The following KCNIP4 variants were observed in gnomAD, a reference collection of about 807,000 sequenced individuals.
The protein encoded by KCNIP4 is Kv channel-interacting protein 4.
In KCNIP4, 12 loss-of-function variants were observed where a neutral mutation model predicts 34.0. The observed-to-expected ratio is 0.35, with a 90% CI of 0.23 to 0.57. The LOEUF is 0.57. Among genes scored for constraint, KCNIP4 ranks in the 20% least tolerant of loss-of-function variants. The probability of loss-of-function intolerance (pLI) is 0.83; values close to 1 mark genes in which losing one functional copy is unlikely to be tolerated. For synonymous variants in KCNIP4, 124 were observed against 102.2 expected, an observed-to-expected ratio of 1.21 and a Z score of -1.29; for missense variants, 238 against 311.7, an observed-to-expected ratio of 0.76 and a Z score of 1.78.
At chr4:21,714,292 A>G (rs1251342788) in intron 1 of KCNIP4, among the ~76,000 whole-genome samples, 1 of 152,138 alleles carries the variant, frequency 6.6e-6, no homozygotes, top group Non-Finnish European at 1.5e-5. Context: ...CTTCCTTGAC[A>G]TATTGACTAC....
At chr4:21,710,738 T>C (rs952314446) in intron 1 of KCNIP4, among the ~76,000 whole-genome samples, 6 of 152,184 alleles carry the variant, frequency 3.9e-5, no homozygotes, top group Non-Finnish European at 7.3e-5. Flanking sequence ...TCTCCTGATA[T>C]GTAAAATGAA....
chr4:21,493,164 T>G (rs1732552608), intron 1 of KCNIP4, among the ~76,000 whole-genome samples: 1 of 152,138 alleles, frequency 6.6e-6, no homozygotes, highest in Non-Finnish European at 1.5e-5. Context: ...TAGTGCATTC[T>G]TCTCTGACAT....
At chr4:21,548,930 A>G (rs1228015502) in intron 1 of KCNIP4, among the ~76,000 whole-genome samples, 1 of 151,946 alleles carries the variant, frequency 6.6e-6, no homozygotes, top group Non-Finnish European at 1.5e-5. Context: ...GATATTTGGG[A>G]CTGGGTAATT....
intron 1 of KCNIP4, among the ~76,000 whole-genome samples, chr4:20,924,337 G>T (rs534234637): frequency 1.3e-5 from 2 of 152,128 alleles, no homozygotes; most frequent in Non-Finnish European, 2.9e-5. Flanking sequence ...TCCTCTCAAT[G>T]GTGGTACCAA....
At chr4:21,799,136 G>A (rs1016884556) in intron 1 of KCNIP4, among the ~76,000 whole-genome samples, 17 of 152,054 alleles carry the variant, frequency 1.1e-4, no homozygotes, top group Non-Finnish European at 2.2e-4. Flanking sequence ...ATAATAATAA[G>A]AGGTGCTATT....
intron 1 of KCNIP4, among the ~76,000 whole-genome samples, chr4:21,231,154 G>A (rs569343492): frequency 1.3e-5 from 2 of 152,066 alleles, no homozygotes; most frequent in East Asian, 1.9e-4. Context: ...CTCCTTTATT[G>A]TCCTAGATGG....
intron 5 of KCNIP4, among the ~76,000 whole-genome samples, chr4:20,744,860 A>G (rs888707992): frequency 6.6e-6 from 1 of 152,136 alleles, no homozygotes; most frequent in Non-Finnish European, 1.5e-5. Context: ...TAGGTCCCAA[A>G]TTTCCATTTG....
At chr4:21,225,500 G>C (rs761659868) in intron 1 of KCNIP4, among the ~76,000 whole-genome samples, 1 of 152,044 alleles carries the variant, frequency 6.6e-6, no homozygotes, top group Non-Finnish European at 1.5e-5. Context: ...TATAACTATT[G>C]TAATTATTAA....
At chr4:21,519,112 C>T (rs12640964) in intron 1 of KCNIP4, among the ~76,000 whole-genome samples, 9,189 of 152,046 alleles carry the variant, frequency 0.06, 395 homozygotes, top group East Asian at 0.14. Context: ...TGCTGAAATC[C>T]TAACCCCCAG....
At chr4:21,540,616 T>G (rs1243936659) in intron 1 of KCNIP4, among the ~76,000 whole-genome samples, 1 of 152,166 alleles carries the variant, frequency 6.6e-6, no homozygotes, top group Non-Finnish European at 1.5e-5. Flanking sequence ...CTCTTAAACA[T>G]GTACAAATTT....
intron 5 of KCNIP4, among the ~76,000 whole-genome samples, chr4:20,743,960 A>G (rs1300369525): frequency 6.6e-6 from 1 of 152,226 alleles, no homozygotes; most frequent in Non-Finnish European, 1.5e-5. Flanking sequence ...AAGGATATGA[A>G]CAGACTCTTC....
chr4:20,828,312 A>G (rs544414389), intron 3 of KCNIP4, among the ~76,000 whole-genome samples: 1 of 152,186 alleles, frequency 6.6e-6, no homozygotes, highest in Non-Finnish European at 1.5e-5. Flanking sequence ...CTGTAATCCC[A>G]GCTGCTCAGG....
intron 5 of KCNIP4, among the ~76,000 whole-genome samples, chr4:20,735,518 G>GTTTTT (rs754949562): frequency 6.1e-5 from 8 of 130,810 alleles, no homozygotes; most frequent in African/African-American, 1.2e-4. Context: ...TTCATTTAGT[G>GTTTTT]TTTTTTTTTT....
intron 1 of KCNIP4, among the ~76,000 whole-genome samples, chr4:21,287,518 A>G (rs565647957): frequency 6.6e-6 from 1 of 152,200 alleles, no homozygotes. Context: ...TAATTATCAT[A>G]ATAATCCCCT....
At chr4:21,107,207 C>A (rs1455617848) in intron 1 of KCNIP4, among the ~76,000 whole-genome samples, 1 of 147,244 alleles carries the variant, frequency 6.8e-6, no homozygotes, top group African/African-American at 2.6e-5. Flanking sequence ...GTGTTAAAGT[C>A]TCCCATTTTT....
At chr4:21,073,302 G>C (rs1001240388) in intron 1 of KCNIP4, among the ~76,000 whole-genome samples, 1 of 152,018 alleles carries the variant, frequency 6.6e-6, no homozygotes, top group African/African-American at 2.4e-5. Flanking sequence ...TCCATTATTT[G>C]TATCCTCTTC....
chr4:20,838,860 A>G (rs1370842776), intron 3 of KCNIP4, among the ~76,000 whole-genome samples: 4 of 152,214 alleles, frequency 2.6e-5, no homozygotes, highest in Non-Finnish European at 5.9e-5. Context: ...AGTCTTTAGA[A>G]AGACTTGTAA....
chr4:21,050,738 G>C (rs955614635), intron 1 of KCNIP4, among the ~76,000 whole-genome samples: 3 of 152,150 alleles, frequency 2.0e-5, no homozygotes, highest in Non-Finnish European at 2.9e-5. Flanking sequence ...CAATCACTCA[G>C]GTTCAGAAAT....
At chr4:21,481,947 G>T (rs1731463512) in intron 1 of KCNIP4, among the ~76,000 whole-genome samples, 1 of 152,134 alleles carries the variant, frequency 6.6e-6, no homozygotes, top group Admixed American at 6.5e-5. Flanking sequence ...GGGAGTCTAA[G>T]TCTCTTTGTA....
Sources: allele counts gnomAD v4.1 joint callset (sites outside exome capture counted in the v4.1 genomes callset), GRCh38; gene constraint gnomAD v4.1.1; transcripts MANE v1.5; gene names NCBI Gene and HGNC (gene_info 2026-07-23, HGNC 2026-07-21).